ST6GAL2: variants seen among roughly 807,000 people sequenced by gnomAD.
ST6GAL2 encodes beta-galactoside alpha-2,6-sialyltransferase 2.
Under a neutral mutation model 37.5 loss-of-function variants are expected in ST6GAL2, and 24 were observed. The observed-to-expected ratio is 0.64, with a 90% CI of 0.46 to 0.90. The LOEUF (loss-of-function observed/expected upper bound fraction) is 0.90, where lower values mean the gene tolerates loss of function less well. ST6GAL2 is among the 40% of genes least tolerant of loss of function. The pLI is 0.00. For synonymous variants in ST6GAL2, 306 were observed against 295.1 expected (o/e 1.04, Z -0.38); for missense variants, 715 against 712.7 (o/e 1.00, Z -0.04).
chr2:106,877,510 T>C (rs1409361553), intron 1 of ST6GAL2, among the ~76,000 whole-genome samples: 1 of 152,234 alleles, frequency 6.6e-6, no homozygotes, highest in Non-Finnish European at 1.5e-5. Flanking sequence ...CTACCTCCCA[T>C]TCTACCATCA....
chr2:106,882,157 C>T (rs1196238551), intron 1 of ST6GAL2, among the ~76,000 whole-genome samples: 1 of 152,220 alleles, frequency 6.6e-6, no homozygotes, highest in African/African-American at 2.4e-5. Flanking sequence ...GGCTCCCTGA[C>T]ATCCTCTTCC....
intron 5 of ST6GAL2, among the ~76,000 whole-genome samples, chr2:106,812,212 G>C (rs978678205): frequency 2.0e-5 from 3 of 152,190 alleles, no homozygotes; most frequent in Admixed American, 1.3e-4. Flanking sequence ...AGAAGGCTCC[G>C]TCTCTGAATC....
chr2:106,831,470 G>A (rs889859512), intron 4 of ST6GAL2, among the ~76,000 whole-genome samples: 1 of 152,198 alleles, frequency 6.6e-6, no homozygotes, highest in Non-Finnish European at 1.5e-5. Context: ...GGGAACCTCA[G>A]GCTGGAAAGG....
chr2:106,817,012 G>A (rs1463400711), intron 5 of ST6GAL2, among the ~76,000 whole-genome samples: 1 of 152,210 alleles, frequency 6.6e-6, no homozygotes, highest in African/African-American at 2.4e-5. Context: ...CCTATGGAAG[G>A]AGCATTTAGA....
At chr2:106,874,439 A>C (rs1678413448) in intron 1 of ST6GAL2, among the ~76,000 whole-genome samples, 1 of 152,118 alleles carries the variant, frequency 6.6e-6, no homozygotes, top group South Asian at 2.1e-4. Context: ...CCAAGCCAGA[A>C]GCACATGATG....
rs920149373 is a variant in ST6GAL2, at chr2:106,850,044, C to A, written c.-57-6010G>T. ...TAAGACCATAAGCCTGGGCCATGGTCACTCACATTGGCTCAGGTTTAAATA... is the reference window on the plus strand; with the variant it reads ...TAAGACCATAAGCCTGGGCCATGGTAACTCACATTGGCTCAGGTTTAAATA... On this transcript the variant is annotated intron_variant, in intron 1 of 5. Coordinates refer to ENST00000409382, the MANE Select transcript of ST6GAL2 (RefSeq NM_001142351.2). 6.6e-5 allele frequency among the ~76,000 whole-genome samples: 10 copies of A among 152,332 alleles called. No individual in the cohort carries two copies. The East Asian group carries it at 1.9e-3, about 29-fold the overall frequency.
intron 1 of ST6GAL2, among the ~76,000 whole-genome samples, chr2:106,861,820 T>C (rs1677811287): frequency 6.6e-6 from 1 of 151,924 alleles, no homozygotes; most frequent in Non-Finnish European, 1.5e-5. Flanking sequence ...TTGATGGAGA[T>C]GGGGTTTTAC....
At chr2:106,859,262 G>A (rs968326921) in intron 1 of ST6GAL2, among the ~76,000 whole-genome samples, 6 of 152,118 alleles carry the variant, frequency 3.9e-5, no homozygotes, top group Non-Finnish European at 7.4e-5. Context: ...AGCCTAAGTT[G>A]AACTTAGTTA....
intron 4 of ST6GAL2, among the ~76,000 whole-genome samples, chr2:106,831,224 G>A (rs535794750): frequency 5.9e-5 from 9 of 152,338 alleles, no homozygotes; most frequent in African/African-American, 2.2e-4. Flanking sequence ...AAGGGAGCAA[G>A]AGGAATGTGG....
At chr2:106,834,751 A>G (rs1676563674) in intron 2 of ST6GAL2, 1 of 152,430 alleles carries the variant, frequency 6.6e-6, no homozygotes, top group Non-Finnish European at 1.5e-5. Context: ...ATTCTGCATT[A>G]GCAGCAATAG....
intron 5 of ST6GAL2, among the ~76,000 whole-genome samples, chr2:106,821,721 T>G (rs1597139): frequency 6.6e-6 from 1 of 151,798 alleles, no homozygotes; most frequent in African/African-American, 2.4e-5. Context: ...AAGAAAACTA[T>G]GGGCCAATAT....
intron 1 of ST6GAL2, among the ~76,000 whole-genome samples, chr2:106,864,532 G>C (rs1284348105): frequency 6.6e-6 from 1 of 152,158 alleles, no homozygotes; most frequent in Non-Finnish European, 1.5e-5. Context: ...CATTCGAGAA[G>C]GCAAAGATAA....
intron 5 of ST6GAL2, among the ~76,000 whole-genome samples, chr2:106,808,046 T>C (rs940826013): frequency 2.0e-5 from 3 of 152,238 alleles, no homozygotes; most frequent in African/African-American, 7.2e-5. Flanking sequence ...TGTCCCTTGT[T>C]ATAAAAAACA....
chr2:106,843,567 C>T lies in ST6GAL2; in HGVS notation c.411G>A (p.Gln137=), dbSNP rs1023472222. ...CCTGAGTGTGGCTGTGCCACCCTGG[C>T]TGACCAGCAGCAAAAAAGTAGTCGT... ...EDDDYFFAAG[Q]PGWHSHTQGT... Residue 137 remains glutamine, a synonymous_variant, in exon 2 of 6, where the codon CAG becomes CAA. Coordinates refer to ENST00000409382, the MANE Select transcript of ST6GAL2 (RefSeq NM_001142351.2). 1.9e-6 allele frequency: 3 copies of T among 1,613,916 alleles called. No individual in the cohort carries two copies. The highest frequency in any genetic ancestry group is 2.7e-5 in the African/African-American group (2 of 74,950).
intron 5 of ST6GAL2, among the ~76,000 whole-genome samples, chr2:106,816,907 G>C (rs1375001): frequency 8.0e-4 from 122 of 152,148 alleles, no homozygotes; most frequent in African/African-American, 2.9e-3. Context: ...GTGCACTTGT[G>C]GGGAGGGAAA....
intron 1 of ST6GAL2, among the ~76,000 whole-genome samples, chr2:106,881,695 T>C (rs558494658): frequency 6.6e-6 from 1 of 152,344 alleles, no homozygotes; most frequent in Admixed American, 6.5e-5. Context: ...TTGAAAAATT[T>C]GTAGAATTTG....
At chr2:106,847,946 A>T (rs1368029509) in intron 1 of ST6GAL2, among the ~76,000 whole-genome samples, 1 of 152,168 alleles carries the variant, frequency 6.6e-6, no homozygotes, top group African/African-American at 2.4e-5. Flanking sequence ...ATCACTGGCC[A>T]TGTGAGTGAA....
At chr2:106,822,736 G>GA (rs1676050977) in intron 5 of ST6GAL2, among the ~76,000 whole-genome samples, 1 of 152,092 alleles carries the variant, frequency 6.6e-6, no homozygotes, top group African/African-American at 2.4e-5. Flanking sequence ...CAAAACTGGG[G>GA]AAATCACATG....
At chr2:106,883,536 T>C (rs1477870852) in intron 1 of ST6GAL2, among the ~76,000 whole-genome samples, 1 of 152,206 alleles carries the variant, frequency 6.6e-6, no homozygotes, top group Non-Finnish European at 1.5e-5. Flanking sequence ...TATAATTATA[T>C]GCAATTGTTA....
Sources: gnomAD v4.1 joint callset for allele counts (sites outside exome capture counted in the v4.1 genomes callset) on GRCh38, gnomAD v4.1.1 for gene constraint, MANE v1.5 for transcripts, NCBI Gene and HGNC (gene_info 2026-07-23, HGNC 2026-07-21) for gene names.